Variants in CCDC60 observed in about 807,000 individuals in gnomAD.
CCDC60 encodes the protein coiled-coil domain-containing protein 60.
A neutral mutation model predicts 63.5 loss-of-function variants in CCDC60; 54 were observed. The ratio of observed to expected loss-of-function variants is 0.85; its 90% CI spans 0.68 to 1.07. The LOEUF (loss-of-function observed/expected upper bound fraction) is 1.07, where lower values mean the gene tolerates loss of function less well. Among genes scored for constraint, CCDC60 ranks in the 50% least tolerant of loss-of-function variants. The pLI, the probability that CCDC60 is intolerant of heterozygous loss-of-function variation, is 0.00. For synonymous variants in CCDC60, 206 were observed against 238.8 expected (o/e 0.86, Z 1.27); for missense variants, 651 against 684.3 (o/e 0.95, Z 0.54).
At chr12:119,411,371 C>T (rs773078148) in intron 1 of CCDC60, among the ~76,000 whole-genome samples, 2 of 151,898 alleles carry the variant, frequency 1.3e-5, no homozygotes, top group East Asian at 1.9e-4. Context: ...TTTGGGAGAG[C>T]GAAATTCTAG....
intron 2 of CCDC60, among the ~76,000 whole-genome samples, chr12:119,458,730 GTTTTGT>G (rs571350129): frequency 1.2e-3 from 182 of 151,390 alleles, no homozygotes; most frequent in Middle Eastern, 6.8e-3. Context: ...AGAGAGATTT[GTTTTGT>G]TTTTGTTTTT....
intron 9 of CCDC60, among the ~76,000 whole-genome samples, chr12:119,520,642 A>G (rs1952501028): frequency 6.6e-6 from 1 of 151,280 alleles, no homozygotes; most frequent in Non-Finnish European, 1.5e-5. Flanking sequence ...CTTGGGTTCA[A>G]GTGATTCTCC....
intron 2 of CCDC60, among the ~76,000 whole-genome samples, chr12:119,445,491 TA>T (rs57279338): frequency 0.66 from 77,246 of 117,824 alleles, 23,593 homozygotes; most frequent in East Asian, 0.81. Context: ...TGCCCTGAGC[TA>T]AAAAAAAAAA....
chr12:119,531,168 C>A, intron 13 of CCDC60, 105 bp downstream of exon 13: 1 of 940,548 alleles, frequency 1.1e-6, no homozygotes, highest in Non-Finnish European at 1.6e-6. Flanking sequence ...AGTCCCCTGC[C>A]TTTATGGAGC....
chr12:119,366,068 C>T (rs1955836975), intron 1 of CCDC60, among the ~76,000 whole-genome samples: 1 of 152,172 alleles, frequency 6.6e-6, no homozygotes, highest in African/African-American at 2.4e-5. Flanking sequence ...GATAGATATA[C>T]ACACATACAC....
chr12:119,539,512 T>C (rs1285332489), intron 13 of CCDC60, among the ~76,000 whole-genome samples: 1 of 152,168 alleles, frequency 6.6e-6, no homozygotes, highest in Non-Finnish European at 1.5e-5. Context: ...CAAACCTCCA[T>C]AATGGCGGAC....
At chr12:119,345,921 G>T (rs577666986) in intron 1 of CCDC60, among the ~76,000 whole-genome samples, 3 of 151,826 alleles carry the variant, frequency 2.0e-5, no homozygotes, top group African/African-American at 7.2e-5. Flanking sequence ...GGGTTCAAGG[G>T]ATTCTTTTCT....
At chr12:119,350,266 C>T (rs1446702768) in intron 1 of CCDC60, among the ~76,000 whole-genome samples, 2 of 151,894 alleles carry the variant, frequency 1.3e-5, no homozygotes, top group African/African-American at 2.4e-5. Context: ...AGCATGATCT[C>T]GGCTCACTGC....
intron 1 of CCDC60, among the ~76,000 whole-genome samples, chr12:119,358,292 T>C (rs1404157759): frequency 6.6e-6 from 1 of 152,194 alleles, no homozygotes; most frequent in Non-Finnish European, 1.5e-5. Context: ...TAGTTCCCTA[T>C]AAGGTGATTA....
chr12:119,398,396 A>T (rs2136217361), intron 1 of CCDC60, among the ~76,000 whole-genome samples: 1 of 152,154 alleles, frequency 6.6e-6, no homozygotes, highest in African/African-American at 2.4e-5. Flanking sequence ...TGGCACGCAG[A>T]CTCGGTTCCC....
intron 8 of CCDC60, among the ~76,000 whole-genome samples, chr12:119,517,162 T>TA (rs1192112329): frequency 2.0e-5 from 3 of 151,824 alleles, no homozygotes; most frequent in East Asian, 3.9e-4. Flanking sequence ...TAATTTTTTT[T>TA]TTATTATTAT....
chr12:119,520,910 C>A (rs369695019), intron 9 of CCDC60, among the ~76,000 whole-genome samples: 12 of 152,276 alleles, frequency 7.9e-5, no homozygotes, highest in African/African-American at 2.4e-4. Flanking sequence ...GCAAATGAAA[C>A]AAACACAAAC....
intron 4 of CCDC60, among the ~76,000 whole-genome samples, chr12:119,480,533 G>T (rs1473629701): frequency 2.0e-5 from 3 of 151,850 alleles, no homozygotes; most frequent in Non-Finnish European, 4.4e-5. Flanking sequence ...CTTAGTTCAT[G>T]AATGGAAGAT....
intron 11 of CCDC60, among the ~76,000 whole-genome samples, chr12:119,524,721 C>CTTTTTTTTTT (rs55694840): frequency 1.9e-4 from 19 of 98,996 alleles, no homozygotes; most frequent in African/African-American, 3.8e-4. Context: ...CTTTTCTTTT[C>CTTTTTTTTTT]TTTTTTTTTT....
chr12:119,393,832 G>A (rs1034087554), intron 1 of CCDC60, among the ~76,000 whole-genome samples: 60 of 152,326 alleles, frequency 3.9e-4, no homozygotes, highest in African/African-American at 1.4e-3. Context: ...TTTAATAAAT[G>A]ACACAAGGTC....
chr12:119,530,523 T>C (rs989753633), intron 12 of CCDC60, among the ~76,000 whole-genome samples: 1 of 152,194 alleles, frequency 6.6e-6, no homozygotes, highest in Non-Finnish European at 1.5e-5. Flanking sequence ...CAAAGATGTG[T>C]GTACATCAAC....
At chr12:119,476,746 A>G (rs972554511) in intron 3 of CCDC60, among the ~76,000 whole-genome samples, 6 of 152,180 alleles carry the variant, frequency 3.9e-5, no homozygotes, top group African/African-American at 1.4e-4. Flanking sequence ...TTGCCTCTCC[A>G]GCCCCAGCTC....
Position 119,428,708 on chromosome 12 carries a change from T to A in CCDC60, c.116T>A (p.Ile39Asn). ...RQVPDKPMKSIKYMDKEIINL... is the reference protein window; with the variant it reads ...RQVPDKPMKSNKYMDKEIINL... ...GTCCCAGACAAGCCAATGAAGAGCATCAAGTATATGGACAAGGAAATAATA... is the reference window on the plus strand; with the variant it reads ...GTCCCAGACAAGCCAATGAAGAGCAACAAGTATATGGACAAGGAAATAATA... The change falls in exon 2 of 14, where the codon ATC (isoleucine) becomes AAC (asparagine). Residue 39 changes from isoleucine (I) to asparagine (N), a missense_variant. Transcript: ENST00000327554. 1.2e-6 allele frequency: 2 copies of A among 1,607,204 alleles called. No homozygotes were observed. The highest frequency in any genetic ancestry group is 1.7e-6 in the Non-Finnish European group (2 of 1,175,708).
intron 5 of CCDC60, among the ~76,000 whole-genome samples, chr12:119,497,853 C>T (rs1341859879): frequency 6.6e-6 from 1 of 152,146 alleles, no homozygotes; most frequent in East Asian, 1.9e-4. Flanking sequence ...ATTGCTCCTT[C>T]TTCTGGCTGG....
Sources: gnomAD v4.1 joint callset for allele counts (sites outside exome capture counted in the v4.1 genomes callset) on GRCh38, gnomAD v4.1.1 for gene constraint, MANE v1.5 for transcripts, NCBI Gene and HGNC (gene_info 2026-07-23, HGNC 2026-07-21) for gene names.